The following EPB41L1 variants were observed in gnomAD, a reference collection of about 807,000 sequenced individuals.
The protein encoded by EPB41L1 is erythrocyte membrane protein band 4.1 like 1.
A neutral mutation model predicts 97.8 loss-of-function variants in EPB41L1; 29 were observed. The observed-to-expected ratio is 0.30, with a 90% CI of 0.22 to 0.40. The LOEUF is 0.40. Among genes scored for constraint, EPB41L1 ranks in the 10% least tolerant of loss-of-function variants. The pLI, the probability that EPB41L1 is intolerant of heterozygous loss-of-function variation, is 1.00. For synonymous variants in EPB41L1, 383 were observed against 459.2 expected, an observed-to-expected ratio of 0.83 and a Z score of 2.12; for missense variants, 812 against 1,162.3, an observed-to-expected ratio of 0.70 and a Z score of 4.38.
At chr20:36,120,019 G>A (rs1443901438) in intron 2 of EPB41L1, among the ~76,000 whole-genome samples, 1 of 152,112 alleles carries the variant, frequency 6.6e-6, no homozygotes, top group Non-Finnish European at 1.5e-5. Flanking sequence ...ACTCCAAGTA[G>A]CCCTCCTCAG....
At chr20:36,123,400 CA>C (rs1281935307) in intron 2 of EPB41L1, among the ~76,000 whole-genome samples, 1 of 152,154 alleles carries the variant, frequency 6.6e-6, no homozygotes, top group Non-Finnish European at 1.5e-5. Flanking sequence ...ACATGTCTTC[CA>C]GATCACATGT....
At chr20:36,201,770 G>C (rs1178860185) in intron 14 of EPB41L1, among the ~76,000 whole-genome samples, 1 of 152,150 alleles carries the variant, frequency 6.6e-6, no homozygotes, top group African/African-American at 2.4e-5. Context: ...GCCCAGGCAG[G>C]AGGCTGTGCT....
intron 2 of EPB41L1, among the ~76,000 whole-genome samples, chr20:36,112,701 T>A (rs1316796574): frequency 1.3e-5 from 2 of 152,192 alleles, no homozygotes; most frequent in Admixed American, 6.5e-5. Flanking sequence ...TGCATATTCA[T>A]CAAGCTCTGT....
intron 17 of EPB41L1, among the ~76,000 whole-genome samples, chr20:36,215,128 C>T (rs2063365918): frequency 6.6e-6 from 1 of 151,548 alleles, no homozygotes; most frequent in Non-Finnish European, 1.5e-5. Flanking sequence ...TGCTGAGACT[C>T]CTGAGTGGAT....
chr20:36,203,193 G>T (rs2062599861), intron 14 of EPB41L1, among the ~76,000 whole-genome samples: 1 of 152,212 alleles, frequency 6.6e-6, no homozygotes, highest in Admixed American at 6.5e-5. Context: ...CACCGTGGAA[G>T]TTTTTTTCTT....
At chr20:36,170,837 G>T (rs2060958245) in intron 1 of EPB41L1, among the ~76,000 whole-genome samples, 1 of 151,792 alleles carries the variant, frequency 6.6e-6, no homozygotes, top group Non-Finnish European at 1.5e-5. Flanking sequence ...TCTCAAAAAT[G>T]ATCTCAAAAG....
intron 1 of EPB41L1, among the ~76,000 whole-genome samples, chr20:36,108,312 A>G (rs907576218): frequency 2.6e-5 from 4 of 151,970 alleles, no homozygotes; most frequent in African/African-American, 9.7e-5. Flanking sequence ...ACATGTTGAG[A>G]TAGATATATT....
chr20:36,205,286 T>C (rs767702872), intron 14 of EPB41L1, among the ~76,000 whole-genome samples: 1 of 152,232 alleles, frequency 6.6e-6, no homozygotes, highest in Non-Finnish European at 1.5e-5. Flanking sequence ...GTGAAATAAG[T>C]TAGCAAAGAT....
intron 1 of EPB41L1, among the ~76,000 whole-genome samples, chr20:36,106,426 T>C (rs942511280): frequency 2.0e-5 from 3 of 152,200 alleles, no homozygotes; most frequent in Admixed American, 2.0e-4. Context: ...TCAGCAGGCC[T>C]AGTCAAAGCT....
intron 14 of EPB41L1, among the ~76,000 whole-genome samples, chr20:36,202,494 C>T (rs1359981317): frequency 3.9e-5 from 6 of 152,160 alleles, no homozygotes; most frequent in Admixed American, 1.3e-4. Context: ...ACCCCCTCCT[C>T]GTATAAAGGG....
At chr20:36,205,059 G>C (rs1462576789) in intron 14 of EPB41L1, among the ~76,000 whole-genome samples, 1 of 152,136 alleles carries the variant, frequency 6.6e-6, no homozygotes, top group Non-Finnish European at 1.5e-5. Context: ...AATGGGCCCT[G>C]GTATTTGTTT....
intron 3 of EPB41L1, among the ~76,000 whole-genome samples, chr20:36,177,494 C>T (rs1022863997): frequency 1.3e-5 from 2 of 152,170 alleles, no homozygotes; most frequent in African/African-American, 4.8e-5. Context: ...AAGGGAGGGT[C>T]ACACTGTGAC....
chr20:36,164,444 C>T (rs2060655644), intron 1 of EPB41L1, among the ~76,000 whole-genome samples: 1 of 152,174 alleles, frequency 6.6e-6, no homozygotes, highest in East Asian at 1.9e-4. Flanking sequence ...TGCCCCCCAT[C>T]TCCTCTCTCA....
At chr20:36,186,147 C>G (rs1202623265) in intron 7 of EPB41L1, among the ~76,000 whole-genome samples, 1 of 152,172 alleles carries the variant, frequency 6.6e-6, no homozygotes, top group Non-Finnish European at 1.5e-5. Flanking sequence ...CTTCTCAGTC[C>G]TTGTAACAAC....
At chr20:36,145,444 G>A (rs1276381287) in intron 2 of EPB41L1, among the ~76,000 whole-genome samples, 5 of 151,780 alleles carry the variant, frequency 3.3e-5, no homozygotes, top group Admixed American at 2.6e-4. Flanking sequence ...GTGTTCCAGG[G>A]ACCACACTTT....
At chr20:36,151,451 T>C (rs1271749970), upstream of EPB41L1, 1 of 152,000 alleles carries the variant, frequency 6.6e-6, no homozygotes, top group East Asian at 1.9e-4. Context: ...CAAAAAGAAA[T>C]GGTAGCGCTA....
At chr20:36,193,041 G>T (rs1002232521) in intron 11 of EPB41L1, among the ~76,000 whole-genome samples, 2 of 152,184 alleles carry the variant, frequency 1.3e-5, no homozygotes, top group African/African-American at 4.8e-5. Flanking sequence ...TTCTCCTTGG[G>T]TAGACAGAGG....
chr20:36,222,684 T>C lies in EPB41L1; in HGVS notation c.2637+290T>C, dbSNP rs111545690. Among the ~76,000 whole-genome samples, 985 of 152,142 alleles carry C rather than the reference T, an allele frequency of 6.5e-3. 9 individuals carry two copies. Among genetic ancestry groups the C allele is most frequent in the African/African-American group, 0.022 (933 of 41,504 alleles). ...AAAAATTTTTTTAAAGGGAGGGAAA[T>C]GGAGAGAGGATTGACAGTGGATATT... On this transcript the variant is annotated intron_variant, in intron 21 of 21. Coordinates refer to ENST00000338074, the MANE Select transcript of EPB41L1 (RefSeq NM_012156.2).
chr20:36,145,357 C>T (rs1600569521), intron 2 of EPB41L1, among the ~76,000 whole-genome samples: 1 of 146,864 alleles, frequency 6.8e-6, no homozygotes, highest in African/African-American at 2.6e-5. Flanking sequence ...GATCACACCA[C>T]TGCACTCCAG....
Sources: gnomAD v4.1 joint callset for allele counts (sites outside exome capture counted in the v4.1 genomes callset) on GRCh38, gnomAD v4.1.1 for gene constraint, MANE v1.5 for transcripts, NCBI Gene and HGNC (gene_info 2026-07-23, HGNC 2026-07-21) for gene names.